The following CACNA2D3 variants were observed in gnomAD, a reference collection of about 807,000 sequenced individuals.
The protein encoded by CACNA2D3 is calcium voltage-gated channel auxiliary subunit alpha2delta 3.
In CACNA2D3, 60 loss-of-function variants were observed where a neutral mutation model predicts 160.6. The ratio of observed to expected loss-of-function variants is 0.37; its 90% CI spans 0.30 to 0.46. CACNA2D3 has a LOEUF of 0.46. CACNA2D3 is among the 20% of genes least tolerant of loss of function. The pLI is 1.00. For missense variants in CACNA2D3, 1,205 were observed against 1,365.0 expected (o/e 0.88, Z 1.85); for synonymous variants, 558 against 492.9 (o/e 1.13, Z -1.75).
chr3:54,645,234 C>T (rs376080252), intron 11 of CACNA2D3, among the ~76,000 whole-genome samples: 1 of 152,166 alleles, frequency 6.6e-6, no homozygotes, highest in African/African-American at 2.4e-5. Flanking sequence ...ACCATTAAAT[C>T]TCATGAGAAC....
intron 4 of CACNA2D3, among the ~76,000 whole-genome samples, chr3:54,415,754 G>C (rs1699744336): frequency 6.6e-6 from 1 of 152,146 alleles, no homozygotes; most frequent in African/African-American, 2.4e-5. Context: ...TAAAGATTGA[G>C]AGGCCAAGTG....
At chr3:54,694,126 G>A (rs1437595384) in intron 11 of CACNA2D3, among the ~76,000 whole-genome samples, 2 of 152,190 alleles carry the variant, frequency 1.3e-5, no homozygotes, top group African/African-American at 2.4e-5. Context: ...CATGGTGAGT[G>A]CCCTATACAG....
chr3:54,409,983 C>A (rs1699638371), intron 4 of CACNA2D3, among the ~76,000 whole-genome samples: 1 of 152,120 alleles, frequency 6.6e-6, no homozygotes, highest in African/African-American at 2.4e-5. Flanking sequence ...ATGAAGGTGG[C>A]TATAGAAAAC....
intron 2 of CACNA2D3, among the ~76,000 whole-genome samples, chr3:54,271,115 G>T (rs1203103653): frequency 6.6e-6 from 1 of 152,220 alleles, no homozygotes; most frequent in African/African-American, 2.4e-5. Context: ...TGAGAGATGA[G>T]GGTTCAAGCC....
intron 2 of CACNA2D3, among the ~76,000 whole-genome samples, chr3:54,190,249 A>G (rs1394125804): frequency 6.6e-6 from 1 of 152,258 alleles, no homozygotes; most frequent in Non-Finnish European, 1.5e-5. Context: ...TTTCGGGGGC[A>G]CACACACATT....
At chr3:54,338,941 C>T (rs765485332) in intron 3 of CACNA2D3, among the ~76,000 whole-genome samples, 1 of 152,166 alleles carries the variant, frequency 6.6e-6, no homozygotes, top group Non-Finnish European at 1.5e-5. Context: ...ACAGACATTC[C>T]AGCATCCCAG....
At chr3:54,873,560 C>T (rs1456525296) in intron 18 of CACNA2D3, among the ~76,000 whole-genome samples, 1 of 152,094 alleles carries the variant, frequency 6.6e-6, no homozygotes, top group Non-Finnish European at 1.5e-5. Flanking sequence ...TTTGTATCTC[C>T]TCATCCTACT....
chr3:54,815,968 C>A (rs925306203), intron 13 of CACNA2D3, among the ~76,000 whole-genome samples: 5 of 152,192 alleles, frequency 3.3e-5, no homozygotes, highest in African/African-American at 7.2e-5. Context: ...GCTATAATGG[C>A]AGTCATAATA....
intron 4 of CACNA2D3, among the ~76,000 whole-genome samples, chr3:54,446,428 A>G (rs1026464463): frequency 5.9e-5 from 9 of 152,138 alleles, no homozygotes; most frequent in African/African-American, 2.2e-4. Flanking sequence ...AGAGGGAAGA[A>G]AAGAAGTAAG....
At chr3:54,123,165 G>T (rs1052455537) in intron 1 of CACNA2D3, among the ~76,000 whole-genome samples, 2 of 152,006 alleles carry the variant, frequency 1.3e-5, no homozygotes, top group Admixed American at 1.3e-4. Flanking sequence ...TTTTTTGGGG[G>T]GGGGATGGGT....
chr3:54,770,102 C>T (rs77441399), intron 13 of CACNA2D3, among the ~76,000 whole-genome samples: 26 of 152,210 alleles, frequency 1.7e-4, no homozygotes, highest in African/African-American at 4.8e-4. Context: ...CCGACACTTG[C>T]GGCTGCAGCT....
intron 19 of CACNA2D3, 93 bp downstream of exon 19, chr3:54,879,182 C>A: frequency 2.2e-6 from 2 of 924,394 alleles, no homozygotes; most frequent in South Asian, 1.7e-5. Flanking sequence ...AAATATCTTT[C>A]GCTGAGATCA....
chr3:54,511,372 A>G (rs1342905227), intron 5 of CACNA2D3, among the ~76,000 whole-genome samples: 3 of 150,998 alleles, frequency 2.0e-5, no homozygotes, highest in African/African-American at 7.3e-5. Flanking sequence ...TTCCCTTGGG[A>G]CCATAGCAGA....
chr3:54,286,145 A>C (rs1703018536), intron 2 of CACNA2D3, among the ~76,000 whole-genome samples: 1 of 152,200 alleles, frequency 6.6e-6, no homozygotes, highest in South Asian at 2.1e-4. Flanking sequence ...TACAGGAGGA[A>C]ATTCAAACCA....
chr3:54,880,948 C>A, intron 21 of CACNA2D3, 85 bp downstream of exon 21: 1 of 1,111,986 alleles, frequency 9.0e-7, no homozygotes, highest in Non-Finnish European at 1.4e-6. Context: ...AGAACTTGTT[C>A]ATCTGTCCGC....
At chr3:54,464,630 G>A (rs572036987) in intron 4 of CACNA2D3, among the ~76,000 whole-genome samples, 15 of 152,346 alleles carry the variant, frequency 9.8e-5, no homozygotes, top group African/African-American at 3.6e-4. Flanking sequence ...CGTCGGAAAA[G>A]GGCAGTATTA....
intron 25 of CACNA2D3, among the ~76,000 whole-genome samples, chr3:54,892,642 G>A (rs184956157): frequency 6.6e-6 from 1 of 152,190 alleles, no homozygotes; most frequent in East Asian, 1.9e-4. Flanking sequence ...TTTCCAGAGG[G>A]CGAGTTCCTG....
intron 17 of CACNA2D3, among the ~76,000 whole-genome samples, chr3:54,857,587 C>G (rs1699200860): frequency 6.6e-6 from 1 of 152,164 alleles, no homozygotes; most frequent in Non-Finnish European, 1.5e-5. Context: ...CTGTTGGCTG[C>G]CCTCCCATCT....
intron 2 of CACNA2D3, among the ~76,000 whole-genome samples, chr3:54,236,033 C>G (rs1340918788): frequency 6.6e-6 from 1 of 152,194 alleles, no homozygotes; most frequent in Non-Finnish European, 1.5e-5. Context: ...GACACTTTAC[C>G]TCTGTGGTCT....
Sources: allele counts gnomAD v4.1 joint callset (sites outside exome capture counted in the v4.1 genomes callset), GRCh38; gene constraint gnomAD v4.1.1; transcripts MANE v1.5; gene names NCBI Gene and HGNC (gene_info 2026-07-23, HGNC 2026-07-21).